Variants in PACRG observed in about 807,000 individuals in gnomAD.
The protein encoded by PACRG is parkin coregulated, also known as parkin coregulated gene protein.
A neutral mutation model predicts 29.7 loss-of-function variants in PACRG; 29 were observed. That is an observed-to-expected ratio of 0.98 (90% CI 0.73 to 1.33). PACRG has a LOEUF of 1.33. PACRG is among the 40% of genes most tolerant of loss of function. The pLI is 0.00. For missense variants in PACRG, 279 were observed against 316.2 expected (o/e 0.88, Z 0.89); for synonymous variants, 116 against 118.7 (o/e 0.98, Z 0.15).
At chr6:163,068,087 T>G (rs1414149924) in intron 3 of PACRG, among the ~76,000 whole-genome samples, 2 of 152,236 alleles carry the variant, frequency 1.3e-5, no homozygotes, top group African/African-American at 2.4e-5. Flanking sequence ...TTTGCTCCAA[T>G]CTGGACCACA....
chr6:163,124,137 T>A (rs1816420181), intron 4 of PACRG, among the ~76,000 whole-genome samples: 1 of 152,230 alleles, frequency 6.6e-6, no homozygotes, highest in African/African-American at 2.4e-5. Flanking sequence ...GTAATTGTGT[T>A]TTTTGGGAGT....
intron 1 of PACRG, among the ~76,000 whole-genome samples, chr6:162,734,379 G>C (rs1434887628): frequency 6.6e-6 from 1 of 152,004 alleles, no homozygotes; most frequent in Admixed American, 6.5e-5. Flanking sequence ...ATTTTGGAAG[G>C]TATAAATTTT....
chr6:162,766,861 G>T (rs948472949), intron 1 of PACRG, among the ~76,000 whole-genome samples: 3 of 151,940 alleles, frequency 2.0e-5, no homozygotes, highest in Non-Finnish European at 4.4e-5. Context: ...AATATAAAAG[G>T]CTATAAATTT....
intron 3 of PACRG, among the ~76,000 whole-genome samples, chr6:163,067,559 C>T (rs772753090): frequency 4.3e-4 from 66 of 152,192 alleles, no homozygotes; most frequent in Non-Finnish European, 5.9e-4. Flanking sequence ...GTAAGGCAAT[C>T]TTTTTTTAAA....
intron 4 of PACRG, among the ~76,000 whole-genome samples, chr6:163,164,108 A>G: frequency 6.6e-6 from 1 of 152,158 alleles, no homozygotes; most frequent in Admixed American, 6.6e-5. Flanking sequence ...GTTTGGCTTA[A>G]AAAAAATAAG....
rs146258340 is a variant in PACRG at position 163,242,248 on chromosome 6, A to G, written c.614-72579A>G. 3.4e-3 allele frequency among the ~76,000 whole-genome samples: 516 copies of G among 152,348 alleles called. 1 individual carries two copies. Among genetic ancestry groups the G allele is most frequent in the African/African-American group, 0.012 (499 of 41,580 alleles). On this transcript the variant is annotated intron_variant, in intron 4 of 4. Coordinates refer to ENST00000366888, the MANE Select transcript of PACRG (RefSeq NM_001080379.2). Reference sequence around the variant, plus strand: ...TTTCCGTCTCCTCACAGCATTTCAGAGAAATGATTATCATCTGATGAATTG... The same window carrying G: ...TTTCCGTCTCCTCACAGCATTTCAGGGAAATGATTATCATCTGATGAATTG...
chr6:162,859,763 C>CT (rs1233463407), intron 2 of PACRG, among the ~76,000 whole-genome samples: 2 of 152,172 alleles, frequency 1.3e-5, no homozygotes. Context: ...GTCGTACCCC[C>CT]TTTTTGTCCA....
At chr6:162,969,310 G>C (rs1801329781) in intron 2 of PACRG, among the ~76,000 whole-genome samples, 2 of 151,988 alleles carry the variant, frequency 1.3e-5, no homozygotes, top group South Asian at 4.1e-4. Flanking sequence ...CAAGGGATTG[G>C]TGAGAACCTT....
intron 4 of PACRG, among the ~76,000 whole-genome samples, chr6:163,200,783 G>C (rs1780663565): frequency 6.6e-6 from 1 of 152,214 alleles, no homozygotes; most frequent in African/African-American, 2.4e-5. Flanking sequence ...AATTGCCCCA[G>C]TTTGCTCAGC....
At chr6:163,172,871 G>C (rs921053744) in intron 4 of PACRG, among the ~76,000 whole-genome samples, 1 of 152,206 alleles carries the variant, frequency 6.6e-6, no homozygotes, top group Non-Finnish European at 1.5e-5. Context: ...TGAATGCCTA[G>C]ATATTTTCAA....
chr6:162,831,136 C>T (rs1465097741), intron 2 of PACRG, among the ~76,000 whole-genome samples: 8 of 152,116 alleles, frequency 5.3e-5, no homozygotes, highest in South Asian at 2.1e-4. Context: ...ATTTGGAGCA[C>T]GGAGGCAGGC....
At chr6:163,141,422 A>T (rs919211637) in intron 4 of PACRG, among the ~76,000 whole-genome samples, 1 of 145,556 alleles carries the variant, frequency 6.9e-6, no homozygotes, top group Admixed American at 7.0e-5. Context: ...CTTATGAACT[A>T]TAGGATTTTT....
chr6:162,907,849 T>C (rs1796037319), intron 2 of PACRG, among the ~76,000 whole-genome samples: 1 of 152,110 alleles, frequency 6.6e-6, no homozygotes, highest in Admixed American at 6.6e-5. Flanking sequence ...GTTCCCTCTA[T>C]CTTTCAGAAT....
At chr6:163,165,905 T>C (rs1778782656) in intron 4 of PACRG, 1 of 360,208 alleles carries the variant, frequency 2.8e-6, no homozygotes, top group Non-Finnish European at 5.5e-6. Context: ...CTTCATTGCA[T>C]CTAAGGCACC....
intron 1 of PACRG, among the ~76,000 whole-genome samples, chr6:162,780,423 A>C (rs962255237): frequency 2.0e-5 from 3 of 152,218 alleles, no homozygotes; most frequent in Non-Finnish European, 4.4e-5. Context: ...ATAGCTATAA[A>C]TTAACCATGA....
At chr6:162,745,390 G>A (rs1248185245) in intron 1 of PACRG, among the ~76,000 whole-genome samples, 4 of 151,956 alleles carry the variant, frequency 2.6e-5, no homozygotes, top group African/African-American at 7.2e-5. Flanking sequence ...TTCGGGGGAT[G>A]TGGGGTGAGG....
At chr6:163,073,996 T>C (rs575841105) in intron 3 of PACRG, among the ~76,000 whole-genome samples, 1 of 152,102 alleles carries the variant, frequency 6.6e-6, no homozygotes, top group Admixed American at 6.5e-5. Context: ...ATACAACCAC[T>C]ATGGAGGACA....
At chr6:163,141,282 G>A (rs186758772) in intron 4 of PACRG, among the ~76,000 whole-genome samples, 75 of 152,172 alleles carry the variant, frequency 4.9e-4, no homozygotes, top group Non-Finnish European at 7.1e-4. Context: ...AAAAGAGTTC[G>A]CCAACTCTAC....
chr6:163,062,417 TC>T, intron 3 of PACRG, 96 bp downstream of exon 3: 2 of 1,328,520 alleles, frequency 1.5e-6, no homozygotes, highest in Non-Finnish European at 2.0e-6. Context: ...ACTGAGGTGA[TC>T]CCCAGTTTTG....
Sources: gnomAD v4.1 joint callset for allele counts (sites outside exome capture counted in the v4.1 genomes callset) on GRCh38, gnomAD v4.1.1 for gene constraint, MANE v1.5 for transcripts, NCBI Gene and HGNC (gene_info 2026-07-23, HGNC 2026-07-21) for gene names.